The following KLRF1 variants were observed in gnomAD, a reference collection of about 807,000 sequenced individuals.
The protein encoded by KLRF1 is killer cell lectin like receptor F1.
KLRF1 carries 27 observed loss-of-function variants against 30.7 expected under a neutral mutation model. The ratio of observed to expected loss-of-function variants is 0.88; its 90% CI spans 0.65 to 1.21. The LOEUF (loss-of-function observed/expected upper bound fraction) is 1.21. Among genes scored for constraint, KLRF1 ranks in the 50% most tolerant of loss-of-function variants. The pLI is 0.00. For missense variants in KLRF1, 246 were observed against 259.3 expected (o/e 0.95, Z 0.35); for synonymous variants, 92 against 89.3 (o/e 1.03, Z -0.17).
At chr12:9,808,284 T>C in the KLRF1 span, among the ~76,000 whole-genome samples, 84,719 of 151,956 alleles carry the variant, frequency 0.56, 26,199 homozygotes, top group Non-Finnish European at 0.68. Context: ...TGATTAATGC[T>C]TTTCCCCCAA....
the KLRF1 span, among the ~76,000 whole-genome samples, chr12:9,818,450 T>G: frequency 2.0e-5 from 3 of 152,334 alleles, no homozygotes; most frequent in African/African-American, 7.2e-5. Flanking sequence ...TTCTTTGTTG[T>G]AAAATGTCAA....
At chr12:9,808,636 A>T in the KLRF1 span, among the ~76,000 whole-genome samples, 6 of 152,192 alleles carry the variant, frequency 3.9e-5, no homozygotes, top group African/African-American at 1.2e-4. Flanking sequence ...TGCTGCAATC[A>T]TGCAGCCTTG....
chr12:9,815,058 A>G, the KLRF1 span, among the ~76,000 whole-genome samples: 93 of 152,216 alleles, frequency 6.1e-4, no homozygotes, highest in Non-Finnish European at 1.3e-3. Context: ...CTGACTTGAT[A>G]ATTACACAAC....
intron 3 of KLRF1, among the ~76,000 whole-genome samples, chr12:9,839,617 G>A (rs1372757333): frequency 6.6e-6 from 1 of 152,056 alleles, no homozygotes; most frequent in African/African-American, 2.4e-5. Context: ...AGCACTTGAA[G>A]AGATGTTTAA....
At chr12:9,829,092 A>G (rs765407167) in intron 1 of KLRF1, among the ~76,000 whole-genome samples, 4 of 152,332 alleles carry the variant, frequency 2.6e-5, no homozygotes, top group Non-Finnish European at 5.9e-5. Flanking sequence ...TTGTGATGAC[A>G]TATTTGTAAA....
At chr12:9,816,089 A>G in the KLRF1 span, among the ~76,000 whole-genome samples, 2 of 152,202 alleles carry the variant, frequency 1.3e-5, no homozygotes, top group African/African-American at 2.4e-5. Context: ...AAGTGCTGAG[A>G]TTAAACTGTG....
chr12:9,835,674 C>T (rs1209337012), intron 3 of KLRF1, among the ~76,000 whole-genome samples: 2 of 151,980 alleles, frequency 1.3e-5, no homozygotes, highest in Non-Finnish European at 2.9e-5. Context: ...CGGTGACATG[C>T]ATAGCTGGAC....
intron 3 of KLRF1, among the ~76,000 whole-genome samples, chr12:9,840,076 C>G (rs1434030874): frequency 6.6e-6 from 1 of 151,940 alleles, no homozygotes. Context: ...AAACATTGTG[C>G]TGAATGAATG....
upstream of KLRF1, among the ~76,000 whole-genome samples, chr12:9,825,451 T>C (rs1379371332): frequency 6.6e-6 from 1 of 152,154 alleles, no homozygotes; most frequent in Non-Finnish European, 1.5e-5. Flanking sequence ...GATAACTGGC[T>C]AGCCACATGC....
rs1366095128 is a variant in KLRF1 at position 9,844,690 on chromosome 12, C to T, written c.*164C>T. The T allele has an allele frequency of 2.0e-6, 1 of 492,708 alleles. No individual in the cohort carries two copies. Among genetic ancestry groups the T allele is most frequent in the Non-Finnish European group, 3.7e-6 (1 of 273,040 alleles). 30.5% of individuals were successfully genotyped at this position (492,708 alleles called of 1,614,324 possible). ...CACTGGTCTAGCCTCAGAGTAACCCCTGTTAACAAACTAAAATGTACACTT... is the reference window on the plus strand; with the variant it reads ...CACTGGTCTAGCCTCAGAGTAACCCTTGTTAACAAACTAAAATGTACACTT... On this transcript the variant is annotated 3_prime_UTR_variant, in exon 6 of 6. Coordinates refer to ENST00000617889, the MANE Select transcript of KLRF1 (RefSeq NM_016523.3).
chr12:9,808,816 A>G, the KLRF1 span, among the ~76,000 whole-genome samples: 126 of 152,280 alleles, frequency 8.3e-4, 1 homozygote, highest in African/African-American at 2.8e-3. Context: ...TATCACATTA[A>G]TGGTTTTGGA....
At chr12:9,818,639 G>T in the KLRF1 span, among the ~76,000 whole-genome samples, 1 of 152,142 alleles carries the variant, frequency 6.6e-6, no homozygotes, top group Admixed American at 6.5e-5. Flanking sequence ...TAATAAATCT[G>T]CCCTTAGGTG....
chr12:9,829,758 C>CAAAT (rs1867369351), intron 1 of KLRF1, among the ~76,000 whole-genome samples: 1 of 152,194 alleles, frequency 6.6e-6, no homozygotes, highest in African/African-American at 2.4e-5. Flanking sequence ...GACCCTGTCT[C>CAAAT]AAATAAATAA....
upstream of KLRF1, among the ~76,000 whole-genome samples, chr12:9,826,433 G>A (rs1867284661): frequency 6.6e-6 from 1 of 152,170 alleles, no homozygotes; most frequent in Non-Finnish European, 1.5e-5. Flanking sequence ...CCTTTGATGG[G>A]AGTGTAAATT....
At chr12:9,822,366 C>T in the KLRF1 span, among the ~76,000 whole-genome samples, 4 of 152,102 alleles carry the variant, frequency 2.6e-5, no homozygotes, top group Non-Finnish European at 4.4e-5. Flanking sequence ...AAGAATTTCA[C>T]AATACAATTC....
Position 9,827,594 on chromosome 12 carries a change from G to A in KLRF1, c.50G>A (p.Arg17Lys). ...YMTLNVQSKKRSSAQTSQLTF... is the reference protein window; with the variant it reads ...YMTLNVQSKKKSSAQTSQLTF... ...ACATTGAATGTACAGTCAAAGAAAA[G>A]GAGTTCTGCCCAAACATCTCAACTT... Residue 17 changes from arginine to lysine, a missense_variant, in exon 1 of 6, where the codon AGG (arginine) becomes AAG (lysine). Arg to Lys is a conservative substitution (Grantham distance 26, BLOSUM62 2). Coordinates refer to ENST00000617889, the MANE Select transcript of KLRF1 (RefSeq NM_016523.3). The A allele has an allele frequency of 6.2e-7, 1 of 1,608,458 alleles. No individual in the cohort carries two copies. Among genetic ancestry groups the A allele is most frequent in the Non-Finnish European group, 8.5e-7 (1 of 1,176,628 alleles).
the KLRF1 span, among the ~76,000 whole-genome samples, chr12:9,817,003 C>T: frequency 6.6e-6 from 1 of 152,008 alleles, no homozygotes; most frequent in Non-Finnish European, 1.5e-5. Flanking sequence ...ATCCAGCATT[C>T]TCTTCTTTCT....
intron 1 of KLRF1, among the ~76,000 whole-genome samples, chr12:9,829,311 A>G (rs1351549818): frequency 6.6e-6 from 1 of 152,248 alleles, no homozygotes; most frequent in Non-Finnish European, 1.5e-5. Flanking sequence ...AATGTTTTAA[A>G]ATCACTTTAA....
chr12:9,804,586 AT>A, the KLRF1 span, among the ~76,000 whole-genome samples: 1 of 151,922 alleles, frequency 6.6e-6, no homozygotes, highest in African/African-American at 2.4e-5. Context: ...TAGGTTGTTG[AT>A]TTTTTTGATT....
Sources: allele counts gnomAD v4.1 joint callset (sites outside exome capture counted in the v4.1 genomes callset), GRCh38; gene constraint gnomAD v4.1.1; transcripts MANE v1.5; gene names NCBI Gene and HGNC (gene_info 2026-07-23, HGNC 2026-07-21).